SYT2: variants seen among roughly 807,000 people sequenced by gnomAD.
The protein encoded by SYT2 is synaptotagmin 2.
SYT2 carries 15 observed loss-of-function variants against 39.9 expected under a neutral mutation model. That is an observed-to-expected ratio of 0.38 (90% CI 0.25 to 0.58). SYT2 has a LOEUF of 0.58. Among genes scored for constraint, SYT2 ranks in the 20% least tolerant of loss-of-function variants. The pLI, the probability that SYT2 is intolerant of heterozygous loss-of-function variation, is 0.70. For missense variants in SYT2, 389 were observed against 530.3 expected, an observed-to-expected ratio of 0.73 and a Z score of 2.62; for synonymous variants, 181 against 204.5, an observed-to-expected ratio of 0.89 and a Z score of 0.98.
chr1:202,597,084 G>A (rs1690326534), intron 8 of SYT2, 121 bp from the exon 9 acceptor site: 1 of 791,320 alleles, frequency 1.3e-6, no homozygotes, highest in Non-Finnish European at 2.0e-6. Context: ...GGGCTCCTTG[G>A]TTTCATCTCT....
intron 1 of SYT2, among the ~76,000 whole-genome samples, chr1:202,642,719 C>A (rs1558445025): frequency 6.6e-6 from 1 of 152,230 alleles, no homozygotes; most frequent in Non-Finnish European, 1.5e-5. Context: ...CCGGCACACC[C>A]CCCTCTGCGC....
chr1:202,656,982 C>G (rs183632568), intron 1 of SYT2, among the ~76,000 whole-genome samples: 3 of 152,222 alleles, frequency 2.0e-5, no homozygotes, highest in Non-Finnish European at 4.4e-5. Flanking sequence ...TCCCTGGGTG[C>G]CTTTGTCTAA....
At position 202,614,819 on chromosome 1, in the gene SYT2, G is replaced by A. The variant is rs1259150180; in HGVS notation, c.-17-9030C>T. Among the ~76,000 whole-genome samples, 1 of 152,210 alleles carries A rather than the reference G, an allele frequency of 6.6e-6. No homozygotes were observed. Among genetic ancestry groups the A allele is most frequent in the Non-Finnish European group, 1.5e-5 (1 of 68,034 alleles). On this transcript the variant is annotated intron_variant, in intron 1 of 8. Coordinates refer to ENST00000367268, the MANE Select transcript of SYT2 (RefSeq NM_177402.5). The surrounding 1 kb of genome is among the most constrained non-coding windows in gnomAD (Gnocchi z 4.0). ...GCCTGAGAGAAGGCCAGGGCAGCTG[G>A]AGTGGATGGATCACGGTTCAGGGTG...
At chr1:202,620,436 C>T (rs1481192433) in intron 1 of SYT2, among the ~76,000 whole-genome samples, 1 of 152,070 alleles carries the variant, frequency 6.6e-6, no homozygotes, top group Non-Finnish European at 1.5e-5. Flanking sequence ...GAGCAGGTGA[C>T]AACCTGGTTG....
chr1:202,698,059 C>T (rs373471459), intron 1 of SYT2, among the ~76,000 whole-genome samples: 15 of 151,898 alleles, frequency 9.9e-5, no homozygotes, highest in East Asian at 7.8e-4. Context: ...ATCAGGGATC[C>T]GGTTCCTGCG....
intron 1 of SYT2, among the ~76,000 whole-genome samples, chr1:202,626,656 C>T (rs1268066952): frequency 7.9e-5 from 12 of 151,908 alleles, no homozygotes; most frequent in Non-Finnish European, 2.9e-5. Context: ...CCTGAGCCAC[C>T]GCATGCAGCC....
chr1:202,605,833 C>T (rs1690687430), intron 1 of SYT2, 44 bp from the exon 2 acceptor site: 11 of 1,495,468 alleles, frequency 7.4e-6, no homozygotes, highest in South Asian at 1.2e-5. Flanking sequence ...ATCCAGAGGT[C>T]GTCTTACCCT....
At chr1:202,604,709 A>G (rs1418524989) in intron 2 of SYT2, 88 bp from the exon 3 acceptor site, 5 of 1,328,668 alleles carry the variant, frequency 3.8e-6, no homozygotes, top group Non-Finnish European at 5.2e-6. Context: ...GGTGAGGAAT[A>G]TGACTGCCAT....
intron 1 of SYT2, chr1:202,636,653 G>A (rs1365579204): frequency 3.3e-5 from 5 of 152,190 alleles, no homozygotes; most frequent in African/African-American, 7.2e-5. Flanking sequence ...TCCCAGCTCT[G>A]CTGCTATGTT....
At chr1:202,701,829 G>A (rs1217972711) in intron 1 of SYT2, among the ~76,000 whole-genome samples, 1 of 152,092 alleles carries the variant, frequency 6.6e-6, no homozygotes, top group East Asian at 1.9e-4. Context: ...ACTTCACAAG[G>A]GCCTGTTCCC....
At chr1:202,667,946 C>T (rs1199653655) in intron 1 of SYT2, among the ~76,000 whole-genome samples, 2 of 152,124 alleles carry the variant, frequency 1.3e-5, no homozygotes, top group Admixed American at 6.6e-5. Flanking sequence ...CTCCTGACCT[C>T]GTGATCTGCC....
At chr1:202,634,201 G>C (rs968423673) in intron 1 of SYT2, among the ~76,000 whole-genome samples, 3 of 152,234 alleles carry the variant, frequency 2.0e-5, no homozygotes, top group African/African-American at 7.2e-5. Flanking sequence ...ACAGAGCCTA[G>C]TAATATAAAT....
chr1:202,598,615 C>T (rs1262870039), intron 8 of SYT2, among the ~76,000 whole-genome samples: 1 of 138,466 alleles, frequency 7.2e-6, no homozygotes, highest in Non-Finnish European at 1.6e-5. Flanking sequence ...CCAGCTGCGC[C>T]TGACTTCCCG....
chr1:202,647,589 A>T lies in SYT2; in HGVS notation c.-17-41800T>A, dbSNP rs535088199. Among the ~76,000 whole-genome samples the T allele has an allele frequency of 2.1e-4, 32 of 152,330 alleles. No individual in the cohort carries two copies. In the South Asian group the frequency reaches 6.6e-3, roughly 32 times the overall value. On this transcript the variant is annotated intron_variant, in intron 1 of 8. Coordinates refer to ENST00000367268, the MANE Select transcript of SYT2 (RefSeq NM_177402.5). ...CCTGCCCCCAGGCCCTAGCTGAATG[A>T]GGAGTGAGGGAGAAAGAGGGGAAGG...
chr1:202,666,622 C>T (rs1001413277), intron 1 of SYT2, among the ~76,000 whole-genome samples: 2 of 152,180 alleles, frequency 1.3e-5, no homozygotes, highest in Non-Finnish European at 2.9e-5. Context: ...CTCTCTGGGA[C>T]CAATGTGCTT....
intron 5 of SYT2, 92 bp downstream of exon 5, chr1:202,602,286 G>T: frequency 7.0e-7 from 1 of 1,422,414 alleles, no homozygotes; most frequent in Non-Finnish European, 9.7e-7. Context: ...TCCAGGCTGA[G>T]CCATGGCTAA....
At chr1:202,675,978 A>C (rs1653359610) in intron 1 of SYT2, among the ~76,000 whole-genome samples, 1 of 152,200 alleles carries the variant, frequency 6.6e-6, no homozygotes, top group Non-Finnish European at 1.5e-5. Context: ...TATTTTACAG[A>C]TGAGGAAACT....
intron 1 of SYT2, among the ~76,000 whole-genome samples, chr1:202,668,592 C>T (rs1692524002): frequency 6.6e-6 from 1 of 152,182 alleles, no homozygotes; most frequent in African/African-American, 2.4e-5. Context: ...TTACTACATG[C>T]CAGACCTGTG....
chr1:202,605,981 A>G (rs1370987432), intron 1 of SYT2, among the ~76,000 whole-genome samples, 192 bp from the exon 2 acceptor site: 1 of 151,970 alleles, frequency 6.6e-6, no homozygotes, highest in African/African-American at 2.4e-5. Context: ...GCATAGCAAG[A>G]CCCTATCTTT....
Sources: gnomAD v4.1 joint callset for allele counts (sites outside exome capture counted in the v4.1 genomes callset) on GRCh38, gnomAD v4.1.1 for gene constraint, Gnocchi (gnomAD v3.1) non-coding constraint, MANE v1.5 for transcripts, NCBI Gene and HGNC (gene_info 2026-07-23, HGNC 2026-07-21) for gene names.